SPG11: variants seen among roughly 807,000 people sequenced by gnomAD.
SPG11 encodes spatacsin.
Under a neutral mutation model 274.0 loss-of-function variants are expected in SPG11, and 222 were observed. The observed-to-expected ratio is 0.81, with a 90% CI of 0.73 to 0.91. The LOEUF (loss-of-function observed/expected upper bound fraction) is 0.91. Among genes scored for constraint, SPG11 ranks in the 40% least tolerant of loss-of-function variants. SPG11 has a pLI of 0.00. For missense variants in SPG11, 3,114 were observed against 2,872.7 expected (o/e 1.08, Z -1.92); for synonymous variants, 1,144 against 1,039.7 (o/e 1.10, Z -1.93).
chr15:44,573,431 C>G, intron 32 of SPG11, 116 bp downstream of exon 32: 1 of 1,119,502 alleles, frequency 8.9e-7, no homozygotes, highest in Non-Finnish European at 1.3e-6. Flanking sequence ...TTACTGCAAT[C>G]CAGAAACTTG....
chr15:44,610,700 A>T, intron 18 of SPG11, 140 bp downstream of exon 18: 1 of 923,650 alleles, frequency 1.1e-6, no homozygotes, highest in Non-Finnish European at 1.7e-6. Flanking sequence ...TTTTAAATTC[A>T]GCCTTATCCT....
chr15:44,636,925 C>CAAAAAAAAAAAAACAAA (rs2084275682), intron 7 of SPG11, among the ~76,000 whole-genome samples: 39 of 19,436 alleles, frequency 2.0e-3, no homozygotes, highest in East Asian at 6.1e-3. Context: ...GACTCCATCT[C>CAAAAAAAAAAAAACAAA]AAAAAAAAAA....
intron 36 of SPG11, 42 bp downstream of exon 36, chr15:44,567,382 C>G (rs2082332227): frequency 1.3e-6 from 2 of 1,566,152 alleles, no homozygotes; most frequent in African/African-American, 1.4e-5. Context: ...TTTTACCTAG[C>G]TAGCAGCACT....
chr15:44,651,355 G>A, intron 6 of SPG11, 136 bp downstream of exon 6: 1 of 758,616 alleles, frequency 1.3e-6, no homozygotes, highest in Middle Eastern at 2.7e-4. Flanking sequence ...CTATTACCAA[G>A]AATAACAAGA....
At chr15:44,611,322 C>T (rs2083455639) in intron 17 of SPG11, among the ~76,000 whole-genome samples, 1 of 152,104 alleles carries the variant, frequency 6.6e-6, no homozygotes, top group South Asian at 2.1e-4. Context: ...AAAATACTGA[C>T]TCTAACAGAT....
Position 44,584,514 on chromosome 15 carries a change from T to G in SPG11, c.5166A>C (p.Ser1722=). 6.2e-7 allele frequency: 1 copy of G among 1,613,432 alleles called. No individual in the cohort carries two copies. The highest frequency in any genetic ancestry group is 1.1e-5 in the South Asian group (1 of 91,090). ...MQTLKHIEQW[S]LKQARIDFWK... Reference sequence around the variant, plus strand: ...AGAAGTCAATTCTTGCTTGTTTTAGTGACCACTGTTCAATGTGTTTTAGGG... The same window carrying G: ...AGAAGTCAATTCTTGCTTGTTTTAGGGACCACTGTTCAATGTGTTTTAGGG... The change falls in exon 30 of 40, where the codon TCA becomes TCC. Residue 1722 remains serine, a synonymous_variant. Transcript: ENST00000261866.
At chr15:44,567,665 C>A in intron 35 of SPG11, 73 bp from the exon 36 acceptor site, 1 of 1,521,736 alleles carries the variant, frequency 6.6e-7, no homozygotes, top group Non-Finnish European at 9.1e-7. Context: ...GCTGAGTCAC[C>A]TTGTTCTGCA....
intron 11 of SPG11, 122 bp downstream of exon 11, chr15:44,626,209 A>G: frequency 1.2e-6 from 1 of 818,542 alleles, no homozygotes. Context: ...ATTATTTCTT[A>G]GTGTCATTAT....
chr15:44,610,019 C>T (rs1205226765), intron 18 of SPG11, among the ~76,000 whole-genome samples: 1 of 150,668 alleles, frequency 6.6e-6, no homozygotes, highest in African/African-American at 2.4e-5. Flanking sequence ...TCTTCTGCCT[C>T]TGCCTCCTGA....
At chr15:44,604,197 C>T in intron 20 of SPG11, 1 of 401,858 alleles carries the variant, frequency 2.5e-6, no homozygotes, top group South Asian at 1.8e-5. Flanking sequence ...TGACCTGATT[C>T]CTAAAAAAAA....
chr15:44,570,704 C>T (rs1325811348), intron 33 of SPG11, 46 bp from the exon 34 acceptor site: 2 of 1,601,732 alleles, frequency 1.2e-6, no homozygotes, highest in Non-Finnish European at 1.7e-6. Flanking sequence ...ACCCTGGCTG[C>T]CCACTGTCAA....
In SPG11 at chr15:44,592,260, A is replaced by C. The variant is rs116323165; in HGVS notation, c.4743+71T>G. ...CGAGTGAGACACCAAGTCTTTAAACAAAAACAAAAAAGTCCATGCATGCCA... is the reference window on the plus strand; with the variant it reads ...CGAGTGAGACACCAAGTCTTTAAACCAAAACAAAAAAGTCCATGCATGCCA... On this transcript the variant is annotated intron_variant, in intron 27 of 39. Coordinates refer to ENST00000261866, the MANE Select transcript of SPG11 (RefSeq NM_025137.4). 3.0e-3 allele frequency: 2,811 copies of C among 951,230 alleles called. 73 individuals carry two copies. The African/African-American group carries it at 0.04, about 14-fold the overall frequency. The allele number at this position is 951,230 out of a possible 1,614,324, so 58.9% of individuals were successfully genotyped here.
intron 11 of SPG11, among the ~76,000 whole-genome samples, chr15:44,625,027 C>T (rs2083859212): frequency 6.6e-6 from 1 of 151,236 alleles, no homozygotes; most frequent in Non-Finnish European, 1.5e-5. Flanking sequence ...CCCAGCTACT[C>T]AGGAAGCTGA....
chr15:44,636,925 C>CAAAAAAAAAAAAACAAAAAAAAAAAAA (rs2084275682), intron 7 of SPG11, among the ~76,000 whole-genome samples: 5 of 19,452 alleles, frequency 2.6e-4, no homozygotes, highest in African/African-American at 9.4e-4. Flanking sequence ...GACTCCATCT[C>CAAAAAAAAAAAAACAAAAAAAAAAAAA]AAAAAAAAAA....
intron 7 of SPG11, among the ~76,000 whole-genome samples, chr15:44,641,991 G>A (rs1421230292): frequency 2.0e-5 from 3 of 147,542 alleles, no homozygotes; most frequent in Non-Finnish European, 3.0e-5. Context: ...AGTGGGATAC[G>A]ATACAGAGGT....
chr15:44,633,142 C>T, intron 8 of SPG11, among the ~76,000 whole-genome samples: 1 of 151,276 alleles, frequency 6.6e-6, no homozygotes, highest in Non-Finnish European at 1.5e-5. Context: ...AGTTTGAGAC[C>T]AGCCTGGCAA....
At chr15:44,616,951 A>G (rs746258326) in intron 15 of SPG11, among the ~76,000 whole-genome samples, 1 of 152,144 alleles carries the variant, frequency 6.6e-6, no homozygotes, top group Non-Finnish European at 1.5e-5. Context: ...CTTTTCCTAT[A>G]TTGATTAGCC....
intron 32 of SPG11, among the ~76,000 whole-genome samples, 160 bp from the exon 33 acceptor site, chr15:44,572,980 C>CGTTTTTTT (rs1256111244): frequency 1.2e-5 from 1 of 83,302 alleles, no homozygotes; most frequent in African/African-American, 5.1e-5. Context: ...GACAGGAGTT[C>CGTTTTTTT]TTTTTTTTTT....
intron 29 of SPG11, among the ~76,000 whole-genome samples, 161 bp from the exon 30 acceptor site, chr15:44,584,719 T>C (rs913363308): frequency 1.3e-5 from 2 of 152,198 alleles, no homozygotes; most frequent in African/African-American, 4.8e-5. Flanking sequence ...AGCCTCAACC[T>C]GCTGGACCCA....
Sources: gnomAD v4.1 joint callset for allele counts (sites outside exome capture counted in the v4.1 genomes callset) on GRCh38, gnomAD v4.1.1 for gene constraint, MANE v1.5 for transcripts, NCBI Gene and HGNC (gene_info 2026-07-23, HGNC 2026-07-21) for gene names.